CMTM4: variants seen among roughly 807,000 people sequenced by gnomAD.
CMTM4 encodes CKLF like MARVEL transmembrane domain containing 4.
In CMTM4, 8 loss-of-function variants were observed where a neutral mutation model predicts 19.0. That is an observed-to-expected ratio of 0.42 (90% CI 0.25 to 0.76). The LOEUF (loss-of-function observed/expected upper bound fraction) is 0.76. CMTM4 is among the 30% of genes least tolerant of loss of function. CMTM4 has a pLI of 0.27. For synonymous variants in CMTM4, 106 were observed against 121.1 expected (o/e 0.88, Z 0.82); for missense variants, 228 against 290.2 (o/e 0.79, Z 1.56).
chr16:66,683,109 TTGTGTG>T (rs540380218), intron 1 of CMTM4, among the ~76,000 whole-genome samples: 95 of 132,362 alleles, frequency 7.2e-4, no homozygotes, highest in East Asian at 3.4e-3. Context: ...TAGAGTCTAG[TTGTGTG>T]TGTGTGTGTG....
intron 1 of CMTM4, among the ~76,000 whole-genome samples, chr16:66,690,395 G>A (rs916162098): frequency 2.6e-5 from 4 of 152,204 alleles, no homozygotes; most frequent in Non-Finnish European, 5.9e-5. Flanking sequence ...ACAGAACTGA[G>A]GGGATTTGGG....
intron 2 of CMTM4, among the ~76,000 whole-genome samples, chr16:66,634,674 T>C (rs1228783001): frequency 6.6e-6 from 1 of 151,964 alleles, no homozygotes; most frequent in African/African-American, 2.4e-5. Flanking sequence ...TCAGGTGAGA[T>C]GAACATTGCT....
At chr16:66,627,830 A>C (rs576019932) in intron 2 of CMTM4, among the ~76,000 whole-genome samples, 21 of 152,302 alleles carry the variant, frequency 1.4e-4, no homozygotes, top group African/African-American at 4.8e-4. Context: ...TAGAGAAACA[A>C]CAGTGGGCCC....
At chr16:66,600,304 C>T in the CMTM4 span, among the ~76,000 whole-genome samples, 1 of 151,900 alleles carries the variant, frequency 6.6e-6, no homozygotes, top group African/African-American at 2.4e-5. Flanking sequence ...CCACCACACC[C>T]GGCTAATTTT....
At chr16:66,628,387 T>C (rs1315808217) in intron 2 of CMTM4, among the ~76,000 whole-genome samples, 3 of 152,224 alleles carry the variant, frequency 2.0e-5, no homozygotes, top group Admixed American at 6.5e-5. Context: ...GGAGAAACCT[T>C]GGACAATACC....
At chr16:66,693,705 C>A (rs1382113142) in intron 1 of CMTM4, among the ~76,000 whole-genome samples, 1 of 152,020 alleles carries the variant, frequency 6.6e-6, no homozygotes, top group Non-Finnish European at 1.5e-5. Context: ...GGGGCTAGGC[C>A]CAAAAGTTCT....
chr16:66,624,500 C>T (rs2015697922), intron 2 of CMTM4, among the ~76,000 whole-genome samples: 1 of 152,224 alleles, frequency 6.6e-6, no homozygotes, highest in South Asian at 2.1e-4. Context: ...GGTGCGGTGG[C>T]TCATGCCTGT....
At chr16:66,623,752 G>A (rs2015682883) in intron 2 of CMTM4, among the ~76,000 whole-genome samples, 1 of 152,134 alleles carries the variant, frequency 6.6e-6, no homozygotes, top group African/African-American at 2.4e-5. Context: ...TGAAGAAATA[G>A]TAACCAAAAT....
Position 66,636,389 on chromosome 16 carries a change from G to A in CMTM4, c.363+16C>T. On this transcript the variant is annotated intron_variant, in intron 2 of 3. Transcript: ENST00000394106. ...CACGTGATCCTTTCATGGCCAGAGT[G>A]GCCGCTTGTACTCACTGTCAGATTC... 3.7e-6 allele frequency: 6 copies of A among 1,607,510 alleles called. No individual in the cohort carries two copies. Among genetic ancestry groups the A allele is most frequent in the Non-Finnish European group, 5.1e-6 (6 of 1,174,836 alleles).
intron 1 of CMTM4, among the ~76,000 whole-genome samples, chr16:66,684,363 G>A (rs757146597): frequency 6.6e-6 from 1 of 152,016 alleles, no homozygotes; most frequent in African/African-American, 2.4e-5. Flanking sequence ...TTTTAGTAGA[G>A]ACTGGGTTTT....
Position 66,632,970 on chromosome 16 carries a change from A to T in CMTM4, c.363+3435T>A, listed in dbSNP as rs533520527. 7.7e-4 allele frequency among the ~76,000 whole-genome samples: 117 copies of T among 151,688 alleles called. 1 individual carries two copies. Among genetic ancestry groups the T allele is most frequent in the African/African-American group, 2.3e-3 (93 of 41,264 alleles). On this transcript the variant is annotated intron_variant, in intron 2 of 3. Transcript: ENST00000394106. ...TGTGGTGGCACATGCCTGTAATCCC[A>T]GCTACTCGGGAGGCTGAGGCAGGAG...
At chr16:66,693,243 C>T (rs1414473770) in intron 1 of CMTM4, among the ~76,000 whole-genome samples, 1 of 151,922 alleles carries the variant, frequency 6.6e-6, no homozygotes, top group African/African-American at 2.4e-5. Context: ...AAAAAACATA[C>T]ACACCACTAA....
rs202116156 is a variant in CMTM4, at chr16:66,622,196, T to C, written c.489A>G (p.Ala163=). 166 of 1,613,868 alleles carry C rather than the reference T, an allele frequency of 1.0e-4. No homozygotes were observed. The highest frequency in any genetic ancestry group is 1.4e-4 in the Non-Finnish European group (160 of 1,180,002). The change falls in exon 4 of 4, where the codon GCA becomes GCG. Residue 163 remains alanine, a synonymous_variant. Coordinates refer to ENST00000394106, the MANE Select transcript of CMTM4 (RefSeq NM_181521.3). The surrounding 1 kb of genome is among the most constrained non-coding windows in gnomAD (Gnocchi z 4.0). ...AVIFGFLATA[A]YAVNTFLAVQ... Reference sequence around the variant, plus strand: ...CTGCCAGGAATGTGTTCACTGCATATGCCGCAGTCGCCAAGAAGCCAAATA... The same window carrying C: ...CTGCCAGGAATGTGTTCACTGCATACGCCGCAGTCGCCAAGAAGCCAAATA...
At chr16:66,612,324 G>A (rs1033298357), downstream of CMTM4, among the ~76,000 whole-genome samples, 3 of 152,174 alleles carry the variant, frequency 2.0e-5, no homozygotes, top group East Asian at 1.9e-4. This position sits in a 1 kb window ranked among gnomAD's most constrained non-coding sequence, Gnocchi z 6.0. Flanking sequence ...GCAGTGAGTC[G>A]AGATCCCGCC....
chr16:66,692,127 G>A (rs1567436399), intron 1 of CMTM4, among the ~76,000 whole-genome samples: 3 of 151,734 alleles, frequency 2.0e-5, no homozygotes, highest in African/African-American at 7.3e-5. Flanking sequence ...GTCTTGCTCT[G>A]TCACTCAGGC....
chr16:66,636,308 G>A, intron 2 of CMTM4, 97 bp downstream of exon 2: 1 of 940,298 alleles, frequency 1.1e-6, no homozygotes, highest in South Asian at 1.9e-5. Context: ...GGATCAAAAT[G>A]AACTAGAACC....
In CMTM4 at chr16:66,621,778, G is replaced by A; in HGVS notation, c.*280C>T. 1 of 1,272,268 alleles carries A rather than the reference G, an allele frequency of 7.9e-7. No homozygotes were observed. The highest frequency in any genetic ancestry group is 1.0e-6 in the Non-Finnish European group (1 of 1,002,022). 78.8% of individuals were successfully genotyped at this position (1,272,268 alleles called of 1,614,324 possible). A position where few individuals can be genotyped will look rare whatever the true frequency, so the allele number is the denominator to read the frequency against. ...CAAATACACACGACAAGGTGGCTCAGAGTCAAAGGAAGCCTGTGCTTCAGG... is the reference window on the plus strand; with the variant it reads ...CAAATACACACGACAAGGTGGCTCAAAGTCAAAGGAAGCCTGTGCTTCAGG... On this transcript the variant is annotated 3_prime_UTR_variant, in exon 4 of 4. Coordinates refer to ENST00000394106, the MANE Select transcript of CMTM4 (RefSeq NM_181521.3).
the CMTM4 span, chr16:66,605,022 C>A: frequency 7.6e-7 from 1 of 1,319,786 alleles, no homozygotes; most frequent in Non-Finnish European, 9.7e-7. This position sits in a 1 kb window ranked among gnomAD's most constrained non-coding sequence, Gnocchi z 4.6. Context: ...GACGTCGGGG[C>A]GCGGGTGGGG....
the CMTM4 span, among the ~76,000 whole-genome samples, chr16:66,600,605 C>T: frequency 8.8e-4 from 133 of 151,964 alleles, no homozygotes; most frequent in Non-Finnish European, 1.0e-3. Flanking sequence ...CCCATCTTCC[C>T]CCACCCTTCC....
Sources: allele counts gnomAD v4.1 joint callset (sites outside exome capture counted in the v4.1 genomes callset), GRCh38; gene constraint gnomAD v4.1.1; non-coding constraint Gnocchi (gnomAD v3.1); transcripts MANE v1.5; gene names NCBI Gene and HGNC (gene_info 2026-07-23, HGNC 2026-07-21).